The following BLVRA variants were observed in gnomAD, a reference collection of about 807,000 sequenced individuals.
BLVRA encodes BVR A.
In BLVRA, 22 loss-of-function variants were observed where a neutral mutation model predicts 32.8. The ratio of observed to expected loss-of-function variants is 0.67; its 90% CI spans 0.48 to 0.96. BLVRA has a LOEUF of 0.96. Among genes scored for constraint, BLVRA ranks in the 40% least tolerant of loss-of-function variants. BLVRA has a pLI of 0.00. For synonymous variants in BLVRA, 119 were observed against 141.3 expected, an observed-to-expected ratio of 0.84 and a Z score of 1.12; for missense variants, 323 against 358.1, an observed-to-expected ratio of 0.90 and a Z score of 0.79.
intron 1 of BLVRA, 42 bp from the exon 2 acceptor site, chr7:43,771,096 A>G (rs699511): frequency 0.7 from 1,101,714 of 1,583,154 alleles, 385,310 homozygotes; most frequent in Middle Eastern, 0.76. Context: ...GAGTTTGGGC[A>G]GGTGCCACCA....
chr7:43,764,701 AGAG>A (rs1450712104), intron 1 of BLVRA, among the ~76,000 whole-genome samples: 3 of 152,168 alleles, frequency 2.0e-5, no homozygotes, highest in Non-Finnish European at 4.4e-5. Context: ...CGGAGCCAGA[AGAG>A]AAGCTAAAAA....
intron 5 of BLVRA, among the ~76,000 whole-genome samples, chr7:43,795,178 T>G (rs1047756230): frequency 6.6e-6 from 1 of 151,992 alleles, no homozygotes; most frequent in Non-Finnish European, 1.5e-5. Context: ...GGCATTGCAC[T>G]TTAGCCTGGG....
intron 2 of BLVRA, among the ~76,000 whole-genome samples, chr7:43,786,397 G>T (rs976960533): frequency 6.6e-6 from 1 of 152,122 alleles, no homozygotes; most frequent in African/African-American, 2.4e-5. Flanking sequence ...GGTCAAAACT[G>T]ATAGAACTGA....
intron 1 of BLVRA, among the ~76,000 whole-genome samples, chr7:43,760,342 C>A (rs10233888): frequency 0.15 from 23,076 of 152,000 alleles, 2,199 homozygotes; most frequent in Non-Finnish European, 0.21. Flanking sequence ...GTCATTTTTT[C>A]TAGAACTGAA....
At chr7:43,790,332 C>T (rs1054364943) in intron 3 of BLVRA, among the ~76,000 whole-genome samples, 1 of 152,082 alleles carries the variant, frequency 6.6e-6, no homozygotes, top group African/African-American at 2.4e-5. Flanking sequence ...TTAGTCAAGG[C>T]TATCACTGCC....
Position 43,803,075 on chromosome 7 carries a change from G to A in BLVRA, c.461-601G>A, listed in dbSNP as rs563670766. 1.1e-4 allele frequency among the ~76,000 whole-genome samples: 16 copies of A among 152,236 alleles called. No individual in the cohort carries two copies. In the South Asian group the frequency reaches 1.9e-3, roughly 18 times the overall value. On this transcript the variant is annotated intron_variant, in intron 6 of 7. Coordinates refer to ENST00000265523, the MANE Select transcript of BLVRA (RefSeq NM_000712.4). ...TGTACTTTTTTGTTCACAAGATTAG[G>A]AAGACTAAGAAAACATTTAACATTG...
intron 1 of BLVRA, among the ~76,000 whole-genome samples, chr7:43,766,556 T>A (rs1033359834): frequency 6.6e-6 from 1 of 152,174 alleles, no homozygotes; most frequent in Non-Finnish European, 1.5e-5. Flanking sequence ...TTGATTCTGT[T>A]CAGAGTTTAA....
chr7:43,794,596 G>A (rs772080653), intron 5 of BLVRA, among the ~76,000 whole-genome samples: 1 of 152,010 alleles, frequency 6.6e-6, no homozygotes, highest in Non-Finnish European at 1.5e-5. Context: ...TTAGCTGGGC[G>A]TGGTGGCGCT....
chr7:43,806,812 G>A (rs2095804466), intron 7 of BLVRA, among the ~76,000 whole-genome samples, 165 bp from the exon 8 acceptor site: 1 of 152,142 alleles, frequency 6.6e-6, no homozygotes, highest in African/African-American at 2.4e-5. Context: ...AAGACTGTTT[G>A]GCTGTGAGGT....
intron 2 of BLVRA, among the ~76,000 whole-genome samples, chr7:43,785,748 C>T (rs1180686374): frequency 6.6e-6 from 1 of 152,162 alleles, no homozygotes; most frequent in Non-Finnish European, 1.5e-5. Flanking sequence ...TGTATAACAA[C>T]AGTACAAGGT....
At chr7:43,767,277 G>A in intron 1 of BLVRA, 1 of 1,010,384 alleles carries the variant, frequency 9.9e-7, no homozygotes, top group Non-Finnish European at 1.5e-6. Context: ...ACCTGTGCCA[G>A]CACAACTACA....
At chr7:43,776,999 A>C (rs1446241036) in intron 2 of BLVRA, among the ~76,000 whole-genome samples, 1 of 152,016 alleles carries the variant, frequency 6.6e-6, no homozygotes, top group African/African-American at 2.4e-5. Flanking sequence ...TGCTTGGTAG[A>C]TCTTCCTCCA....
intron 6 of BLVRA, among the ~76,000 whole-genome samples, chr7:43,801,002 T>G (rs2095798099): frequency 6.6e-6 from 1 of 152,046 alleles, no homozygotes; most frequent in African/African-American, 2.4e-5. Flanking sequence ...TATTTACTTA[T>G]TCTGTTCTTA....
intron 2 of BLVRA, among the ~76,000 whole-genome samples, chr7:43,772,274 G>A (rs1483585679): frequency 6.6e-6 from 1 of 152,228 alleles, no homozygotes; most frequent in Non-Finnish European, 1.5e-5. Flanking sequence ...AGTGGCAGTT[G>A]GGGCCACATA....
intron 6 of BLVRA, among the ~76,000 whole-genome samples, chr7:43,801,202 G>T (rs192880022): frequency 2.6e-5 from 4 of 152,044 alleles, no homozygotes; most frequent in Non-Finnish European, 1.5e-5. Flanking sequence ...TCCCTATGTT[G>T]CCCAGCCTCA....
Position 43,767,441 on chromosome 7 carries a change from TCTTATATATCTGGAGGCGC to T in BLVRA, c.-21-3695_-21-3677del, listed in dbSNP as rs1191853931. The T allele has an allele frequency of 2.6e-6, 4 of 1,550,706 alleles. No homozygotes were observed. In the East Asian group the frequency reaches 9.0e-5, roughly 35 times the overall value. On this transcript the variant is annotated intron_variant, in intron 1 of 7. Coordinates refer to ENST00000265523, the MANE Select transcript of BLVRA (RefSeq NM_000712.4). ...GGGTTATTTATATTTCACAACTAAA[TCTTATATATCTGGAGGCGC>T]CCTTGGGATATCCAATAAGGACAGC...
chr7:43,758,380 G>A (rs2095738413), upstream of BLVRA, among the ~76,000 whole-genome samples: 1 of 151,898 alleles, frequency 6.6e-6, no homozygotes, highest in South Asian at 2.1e-4. Context: ...CAGGCACACC[G>A]TGAGGGGGCC....
chr7:43,803,781 CT>C lies in BLVRA; in HGVS notation c.569del (p.Leu190TrpfsTer10). 1.2e-6 allele frequency: 2 copies of C among 1,614,120 alleles called. No individual in the cohort carries two copies. Among genetic ancestry groups the C allele is most frequent in the Non-Finnish European group, 1.7e-6 (2 of 1,180,002 alleles). ...GGGGAGCTTTCTCTTGTGTCTGCCA[CT>C]TTGGAAGAGCGAAAGGAAGATCAGT... ...LFGELSLVSATLEERKEDQYM... is the reference protein window; with the variant it reads ...LFGELSLVSAXLEERKEDQYM... On this transcript the variant is annotated frameshift_variant, in exon 7 of 8. Transcript: ENST00000265523. LOFTEE classifies it high-confidence loss of function.
At chr7:43,758,975 A>G (rs1011917767) in intron 1 of BLVRA, among the ~76,000 whole-genome samples, 5 of 152,162 alleles carry the variant, frequency 3.3e-5, no homozygotes, top group Admixed American at 2.6e-4. Context: ...TCTCAACTAC[A>G]CAAAAGACAG....
Sources: gnomAD v4.1 joint callset for allele counts (sites outside exome capture counted in the v4.1 genomes callset) on GRCh38, gnomAD v4.1.1 for gene constraint, MANE v1.5 for transcripts, NCBI Gene and HGNC (gene_info 2026-07-23, HGNC 2026-07-21) for gene names.